Variants in ETF1 observed in about 807,000 individuals in gnomAD.
ETF1 encodes eukaryotic peptide chain release factor subunit 1.
In ETF1, 4 loss-of-function variants were observed where a neutral mutation model predicts 55.1. The ratio of observed to expected loss-of-function variants is 0.07; its 90% CI spans 0.04 to 0.17. The LOEUF (loss-of-function observed/expected upper bound fraction) is 0.17, where lower values mean the gene tolerates loss of function less well. Among genes scored for constraint, ETF1 ranks in the 10% least tolerant of loss-of-function variants. The probability of loss-of-function intolerance (pLI) is 1.00; values close to 1 mark genes in which losing one functional copy is unlikely to be tolerated. For missense variants in ETF1, 142 were observed against 523.6 expected (o/e 0.27, Z 7.11); for synonymous variants, 157 against 182.3 (o/e 0.86, Z 1.12).
At chr5:138,512,258 A>ATATATTT (rs1484458741) in intron 6 of ETF1, among the ~76,000 whole-genome samples, 2 of 20,020 alleles carry the variant, frequency 1.0e-4, no homozygotes, top group African/African-American at 1.9e-4. Flanking sequence ...ATATATATAT[A>ATATATTT]TTTTTTTTTT....
At chr5:138,516,781 T>C (rs533921591) in intron 4 of ETF1, among the ~76,000 whole-genome samples, 1 of 152,346 alleles carries the variant, frequency 6.6e-6, no homozygotes, top group East Asian at 1.9e-4. Context: ...CTATATAACC[T>C]ACACGATTCC....
chr5:138,530,504 CT>C (rs1398260819), intron 2 of ETF1, among the ~76,000 whole-genome samples: 1 of 152,020 alleles, frequency 6.6e-6, no homozygotes, highest in African/African-American at 2.4e-5. Context: ...TCTCGAACCC[CT>C]GATCTCAAAT....
intron 2 of ETF1, among the ~76,000 whole-genome samples, chr5:138,531,824 A>G (rs1288427105): frequency 2.0e-5 from 3 of 152,212 alleles, no homozygotes; most frequent in African/African-American, 7.2e-5. Flanking sequence ...AGGTGGGCGG[A>G]TCACGAGGTC....
chr5:138,519,490 C>T lies in ETF1; in HGVS notation c.87-623G>A, dbSNP rs547460772. Among the ~76,000 whole-genome samples, 7 of 150,930 alleles carry T rather than the reference C, an allele frequency of 4.6e-5. No individual in the cohort carries two copies. The South Asian group carries it at 1.5e-3, about 32-fold the overall frequency. On this transcript the variant is annotated intron_variant, in intron 2 of 10. Coordinates refer to ENST00000360541, the MANE Select transcript of ETF1 (RefSeq NM_004730.4). The stretch of plus-strand genomic sequence containing the variant: ...AAGCCTGGCCAACAGAGTGAAACCT[C>T]GTCTCAATTAAAAAAAAAAAAAATT...
At chr5:138,528,835 T>C (rs1765580405) in intron 2 of ETF1, among the ~76,000 whole-genome samples, 1 of 152,078 alleles carries the variant, frequency 6.6e-6, no homozygotes, top group South Asian at 2.1e-4. Flanking sequence ...TTCTGATGTT[T>C]TGTATGTTAG....
At position 138,538,092 on chromosome 5, in the gene ETF1, G is replaced by C. The variant is rs1230998686; in HGVS notation, c.86+4741C>G. On this transcript the variant is annotated intron_variant, in intron 2 of 10. Coordinates refer to ENST00000360541, the MANE Select transcript of ETF1 (RefSeq NM_004730.4). ...TTTTTAGTAGACAGGGTTTCTCCAT[G>C]TTGGTCAGGCTGGTCTCAAACTCCT... 1.1e-4 allele frequency among the ~76,000 whole-genome samples: 17 copies of C among 148,724 alleles called. 2 individuals carry two copies. Among genetic ancestry groups the C allele is most frequent in the African/African-American group, 4.3e-4 (17 of 39,482 alleles).
chr5:138,540,811 G>A (rs570282410), intron 2 of ETF1, among the ~76,000 whole-genome samples: 99 of 152,222 alleles, frequency 6.5e-4, no homozygotes, highest in African/African-American at 2.3e-3. Context: ...AAACAAAGAG[G>A]TAAAGCCTTC....
intron 2 of ETF1, among the ~76,000 whole-genome samples, chr5:138,540,782 A>T (rs1286126044): frequency 6.6e-6 from 1 of 152,214 alleles, no homozygotes. Context: ...GCATGCTTTA[A>T]ACTTTACTGA....
intron 2 of ETF1, among the ~76,000 whole-genome samples, chr5:138,537,178 T>C (rs1396984764): frequency 6.6e-6 from 1 of 152,208 alleles, no homozygotes; most frequent in Non-Finnish European, 1.5e-5. Flanking sequence ...CACCACATCC[T>C]TTCTAACATA....
At chr5:138,518,286 C>G (rs1420169057) in intron 3 of ETF1, among the ~76,000 whole-genome samples, 1 of 151,780 alleles carries the variant, frequency 6.6e-6, no homozygotes, top group Non-Finnish European at 1.5e-5. Flanking sequence ...TCGTGGCTCA[C>G]TGCAACTCCC....
chr5:138,522,150 T>G (rs1372282428), intron 2 of ETF1, among the ~76,000 whole-genome samples: 2 of 152,000 alleles, frequency 1.3e-5, no homozygotes, highest in Non-Finnish European at 2.9e-5. Context: ...GCTTTCATTC[T>G]CAAAAAAACC....
At chr5:138,528,632 T>C (rs937986640) in intron 2 of ETF1, among the ~76,000 whole-genome samples, 13 of 152,214 alleles carry the variant, frequency 8.5e-5, no homozygotes, top group African/African-American at 3.1e-4. Flanking sequence ...CTTGGCTTCT[T>C]ATTCCTTTTG....
At chr5:138,511,450 A>G (rs372720351) in intron 7 of ETF1, 25 bp downstream of exon 7, 6 of 1,612,618 alleles carry the variant, frequency 3.7e-6, no homozygotes, top group African/African-American at 1.3e-5. Context: ...ATTTCACAGA[A>G]TAAGTAGTTG....
chr5:138,541,581 A>G, intron 2 of ETF1: 1 of 1,533,892 alleles, frequency 6.5e-7, no homozygotes, highest in Non-Finnish European at 8.7e-7. Context: ...AATAATGAAG[A>G]GCTTGGAGGG....
intron 4 of ETF1, among the ~76,000 whole-genome samples, chr5:138,515,805 G>A (rs901831271): frequency 3.3e-5 from 5 of 152,200 alleles, no homozygotes; most frequent in African/African-American, 9.7e-5. Flanking sequence ...CAGTGGCTGA[G>A]AGGCTCCCTG....
At chr5:138,524,139 C>T (rs577811217) in intron 2 of ETF1, among the ~76,000 whole-genome samples, 10 of 149,646 alleles carry the variant, frequency 6.7e-5, no homozygotes, top group South Asian at 2.1e-4. Context: ...TGCAGTGAGC[C>T]GAGATCGTGC....
At chr5:138,513,439 C>A (rs1403250875) in intron 5 of ETF1, 129 bp downstream of exon 5, 4 of 842,452 alleles carry the variant, frequency 4.7e-6, no homozygotes, top group Non-Finnish European at 7.4e-6. Flanking sequence ...CTTCTGACTT[C>A]GTGATCCACC....
chr5:138,517,304 G>C (rs1395020995), intron 4 of ETF1, among the ~76,000 whole-genome samples: 1 of 151,866 alleles, frequency 6.6e-6, no homozygotes, highest in Admixed American at 6.6e-5. Flanking sequence ...CTGGGAGGCG[G>C]AGCTTGCAGT....
At chr5:138,513,837 C>T (rs10077407) in intron 4 of ETF1, 131 bp from the exon 5 acceptor site, 502,733 of 1,145,366 alleles carry the variant, frequency 0.44, 113,910 homozygotes, top group East Asian at 0.8. Flanking sequence ...AAACCTTCTA[C>T]GGAATAATTT....
Sources: gnomAD v4.1 joint callset for allele counts (sites outside exome capture counted in the v4.1 genomes callset) on GRCh38, gnomAD v4.1.1 for gene constraint, MANE v1.5 for transcripts, NCBI Gene and HGNC (gene_info 2026-07-23, HGNC 2026-07-21) for gene names.